HOXA10: variants seen among roughly 807,000 people sequenced by gnomAD.
HOXA10 encodes homeobox protein Hox-A10.
A neutral mutation model predicts 29.7 loss-of-function variants in HOXA10; 12 were observed. The observed-to-expected ratio is 0.40, with a 90% CI of 0.26 to 0.65. The LOEUF (loss-of-function observed/expected upper bound fraction) is 0.65. Ranked by LOEUF, HOXA10 falls within the 30% of genes least tolerant of loss-of-function variation. The probability of loss-of-function intolerance (pLI) is 0.37; values close to 1 mark genes in which losing one functional copy is unlikely to be tolerated. For synonymous variants in HOXA10, 327 were observed against 280.7 expected, an observed-to-expected ratio of 1.16 and a Z score of -1.65; for missense variants, 656 against 585.9, an observed-to-expected ratio of 1.12 and a Z score of -1.24.
In HOXA10 at chr7:27,172,153, C is replaced by A. The variant is rs199748274; in HGVS notation, c.979G>T (p.Ala327Ser). 55 of 1,613,594 alleles carry A rather than the reference C, an allele frequency of 3.4e-5. No homozygotes were observed. The highest frequency in any genetic ancestry group is 4.2e-5 in the Non-Finnish European group (50 of 1,179,966). The change falls in exon 2 of 2, where the codon GCA (alanine) becomes TCA (serine). Residue 327 changes from alanine to serine, a missense_variant. Around this residue, in one of 2 missense-constraint regions of HOXA10, gnomAD observed 594 missense variants for 491.9 expected, o/e 1.21. Transcript: ENST00000283921. ...DSLGNSKGEN[A>S]ANWLTAKSGR... ...CTCTTTGCCGTGAGCCAGTTGGCTG[C>A]GTTTTCACCTTTGGAATTGCCTGGC...
chr7:27,175,575 G>A (rs952653483), upstream of HOXA10, among the ~76,000 whole-genome samples: 11 of 152,214 alleles, frequency 7.2e-5, no homozygotes, highest in African/African-American at 2.7e-4. Context: ...CAGGGGCTCT[G>A]TTTTAGCCAA....
In HOXA10 at chr7:27,173,504, C is replaced by T; in HGVS notation, c.803G>A (p.Arg268Gln). ...GGGGGGCGGCGGCGAATCGAGGGCTCGCTCCTTCCGGGCCGCATCGGCCGA... is the reference window on the plus strand; with the variant it reads ...GGGGGGCGGCGGCGAATCGAGGGCTTGCTCCTTCCGGGCCGCATCGGCCGA... ...SGSADAARKE[R>Q]ALDSPPPPTL... The change falls in exon 1 of 2, where the codon CGA (arginine) becomes CAA (glutamine). Residue 268 changes from arginine (R) to glutamine (Q), a missense_variant. Transcript: ENST00000283921. The T allele has an allele frequency of 2.0e-6, 3 of 1,504,730 alleles. No individual in the cohort carries two copies. Among genetic ancestry groups the T allele is most frequent in the Non-Finnish European group, 2.6e-6 (3 of 1,133,428 alleles). 93.2% of individuals were successfully genotyped at this position (1,504,730 alleles called of 1,614,324 possible).
rs373421816 is a variant in HOXA10, at chr7:27,174,291, C to G, written c.16G>C (p.Gly6Arg). 1 of 1,598,502 alleles carries G rather than the reference C, an allele frequency of 6.3e-7. No homozygotes were observed. Among genetic ancestry groups the G allele is most frequent in the South Asian group, 1.1e-5 (1 of 91,074 alleles). Residue 6 changes from glycine to arginine, a missense_variant, in exon 1 of 2, where the codon GGC becomes CGC. This residue lies in a region of HOXA10 where 594 missense variants were observed against 491.9 expected (regional missense o/e 1.21). Coordinates refer to ENST00000283921, the MANE Select transcript of HOXA10 (RefSeq NM_018951.4). MSARK[G>R]YLLPSPNYPT... The stretch of plus-strand genomic sequence containing the variant: ...TAATTTGGCGAAGGGAGCAGATAGC[C>G]CTTTCTGGCTGACATTTCTTGTGCA...
upstream of HOXA10, chr7:27,174,554 G>A (rs576428303): frequency 7.0e-5 from 42 of 602,622 alleles, no homozygotes; most frequent in Admixed American, 2.3e-4. Flanking sequence ...GCCCCAACGT[G>A]GCTGGTGGGG....
upstream of HOXA10, among the ~76,000 whole-genome samples, chr7:27,177,654 G>A (rs865957590): frequency 2.6e-5 from 4 of 152,192 alleles, no homozygotes; most frequent in East Asian, 1.9e-4. Context: ...TGAGCGCCTC[G>A]GCTTTCCTGA....
In HOXA10 at chr7:27,174,110, G is replaced by C. The variant is rs781368034; in HGVS notation, c.197C>G (p.Pro66Arg). The C allele has an allele frequency of 2.2e-5, 35 of 1,578,502 alleles. No homozygotes were observed. The highest frequency in any genetic ancestry group is 1.3e-4 in the African/African-American group (10 of 74,456). The change falls in exon 1 of 2, where the codon CCG becomes CGG. Residue 66 changes from proline (P) to arginine (R), a missense_variant. Pro to Arg is a moderately radical substitution (Grantham distance 103). Around this residue, in one of 2 missense-constraint regions of HOXA10, gnomAD observed 594 missense variants for 491.9 expected, o/e 1.21. Transcript: ENST00000283921. Reference sequence around the variant, plus strand: ...CCCGTAGGGCAGGTCGGCGGCGGGCGGCAGGTAGACCCCGCCGTGGGCGTA... The same window carrying C: ...CCCGTAGGGCAGGTCGGCGGCGGGCCGCAGGTAGACCCCGCCGTGGGCGTA... Reference protein sequence around the residue: ...GYYAHGGVYLPPAADLPYGLQ... With the variant: ...GYYAHGGVYLRPAADLPYGLQ...
At chr7:27,175,451 G>T (rs1306403176), upstream of HOXA10, among the ~76,000 whole-genome samples, 5 of 152,166 alleles carry the variant, frequency 3.3e-5, no homozygotes, top group Non-Finnish European at 2.9e-5. Flanking sequence ...TGCTCCTGCA[G>T]TGTGTGCATT....
rs1783570300 is a variant in HOXA10 at position 27,173,587 on chromosome 7, C to A, written c.720G>T (p.Pro240=). ...GGGAQQLGAG[P]FPAQPPGRGF... ...CGCGCCCCGGGGGCTGCGCGGGGAACGGGCCAGCCCCGAGTTGCTGCGCGC... is the reference window on the plus strand; with the variant it reads ...CGCGCCCCGGGGGCTGCGCGGGGAAAGGGCCAGCCCCGAGTTGCTGCGCGC... The change falls in exon 1 of 2, where the codon CCG becomes CCT. Residue 240 remains proline, a synonymous_variant. Coordinates refer to ENST00000283921, the MANE Select transcript of HOXA10 (RefSeq NM_018951.4). 6.7e-7 allele frequency: 1 copy of A among 1,489,896 alleles called. No homozygotes were observed. Among genetic ancestry groups the A allele is most frequent in the South Asian group, 1.3e-5 (1 of 77,144 alleles). 92.3% of individuals were successfully genotyped at this position (1,489,896 alleles called of 1,614,324 possible).
At position 27,171,509 on chromosome 7, in the gene HOXA10, G is replaced by C; in HGVS notation, c.*390C>G. ...GCCAGACACCTCAGCGCCAACAATG[G>C]GACCTCGGCCTTCCGGCTAGGTTTG... On this transcript the variant is annotated 3_prime_UTR_variant, in exon 2 of 2. Coordinates refer to ENST00000283921, the MANE Select transcript of HOXA10 (RefSeq NM_018951.4). The C allele has an allele frequency of 6.4e-6, 3 of 465,582 alleles. No homozygotes were observed. Among genetic ancestry groups the C allele is most frequent in the South Asian group, 4.6e-5 (3 of 64,552 alleles). The allele number at this position is 465,582 out of a possible 1,614,324, so 28.8% of individuals were successfully genotyped here.
chr7:27,179,727 T>C (rs945660658), exon 1 of HOXA10: 1 of 750,562 alleles, frequency 1.3e-6, no homozygotes, highest in Non-Finnish European at 2.5e-6. Flanking sequence ...CGAATGCGCG[T>C]TGCTTTAAAT....
chr7:27,178,466 G>C (rs1783692515), upstream of HOXA10, among the ~76,000 whole-genome samples: 2 of 152,228 alleles, frequency 1.3e-5, no homozygotes, highest in Non-Finnish European at 2.9e-5. Flanking sequence ...TCCCCTGTTA[G>C]GGAAGTGTTG....
At position 27,174,041 on chromosome 7, in the gene HOXA10, T is replaced by C. The variant is rs1324709836; in HGVS notation, c.266A>G (p.Asn89Ser). ...ACCGCTGCCCGGCGACGCTGCCTCA[T>C]TGCGCTTGCCGCCCAGCGTGGGGAA... Reference protein sequence around the residue: ...GLFPTLGGKRNEAASPGSGGG... With the variant: ...GLFPTLGGKRSEAASPGSGGG... The change falls in exon 1 of 2, where the codon AAT (asparagine) becomes AGT (serine). Residue 89 changes from asparagine to serine, a missense_variant. By Grantham distance (46) the Asn-to-Ser change is conservative (BLOSUM62 1). Around this residue, in one of 2 missense-constraint regions of HOXA10, gnomAD observed 594 missense variants for 491.9 expected, o/e 1.21. Transcript: ENST00000283921. 1.3e-6 allele frequency: 2 copies of C among 1,539,308 alleles called. No individual in the cohort carries two copies. The highest frequency in any genetic ancestry group is 1.7e-6 in the Non-Finnish European group (2 of 1,149,130).
Position 27,173,994 on chromosome 7 carries a change from G to C in HOXA10, c.313C>G (p.Pro105Ala), listed in dbSNP as rs1278173532. The C allele has an allele frequency of 6.5e-7, 1 of 1,528,690 alleles. No individual in the cohort carries two copies. Among genetic ancestry groups the C allele is most frequent in the Non-Finnish European group, 8.7e-7 (1 of 1,143,466 alleles). The allele number at this position is 1,528,690 out of a possible 1,614,324, so 94.7% of individuals were successfully genotyped here. The stretch of plus-strand genomic sequence containing the variant: ...GAGGGCCCGTAGCCGTGCGCCCCGG[G>C]ACCTAGACCCCCGCCACCGCCACCG... ...GSGGGGGGLG[P>A]GAHGYGPSPI... Residue 105 changes from proline (P) to alanine (A), a missense_variant, in exon 1 of 2, where the codon CCC becomes GCC. Around this residue, in one of 2 missense-constraint regions of HOXA10, gnomAD observed 594 missense variants for 491.9 expected, o/e 1.21. Coordinates refer to ENST00000283921, the MANE Select transcript of HOXA10 (RefSeq NM_018951.4).
rs755422334 is a variant in HOXA10 at position 27,174,237 on chromosome 7, G to A, written c.70C>T (p.Pro24Ser). 1 of 1,600,128 alleles carries A rather than the reference G, an allele frequency of 6.2e-7. No homozygotes were observed. The highest frequency in any genetic ancestry group is 1.1e-5 in the South Asian group (1 of 91,078). Residue 24 changes from proline (P) to serine (S), a missense_variant, in exon 1 of 2, where the codon CCC (proline) becomes TCC (serine). Pro to Ser is a moderately conservative substitution (Grantham distance 74). Around this residue, in one of 2 missense-constraint regions of HOXA10, gnomAD observed 594 missense variants for 491.9 expected, o/e 1.21. Transcript: ENST00000283921. ...TCGACCAAAAAAGAGTTCGCGGCGGGGCTCTCCGAGCATGACATTGTTGTG... is the reference window on the plus strand; with the variant it reads ...TCGACCAAAAAAGAGTTCGCGGCGGAGCTCTCCGAGCATGACATTGTTGTG... ...YPTTMSCSES[P>S]AANSFLVDSL... is the part of the protein sequence containing the mutation.
intron 1 of HOXA10, chr7:27,172,664 AG>A (rs1419393268): frequency 5.4e-6 from 1 of 184,034 alleles, no homozygotes; most frequent in Non-Finnish European, 1.1e-5. Context: ...CCAATGGGGA[AG>A]GCAGGAAAAA....
upstream of HOXA10, among the ~76,000 whole-genome samples, chr7:27,177,022 C>T (rs533433796): frequency 2.0e-5 from 3 of 152,370 alleles, no homozygotes; most frequent in East Asian, 5.8e-4. Context: ...AAGCTGGGTG[C>T]CCTGCAGCAG....
upstream of HOXA10, among the ~76,000 whole-genome samples, chr7:27,177,410 C>T (rs964587316): frequency 6.6e-6 from 1 of 152,226 alleles, no homozygotes; most frequent in Non-Finnish European, 1.5e-5. Flanking sequence ...CCAGGGCTTG[C>T]TGAGTGGGAA....
At position 27,173,900 on chromosome 7, in the gene HOXA10, G is replaced by A. The variant is rs763223250; in HGVS notation, c.407C>T (p.Pro136Leu). The change falls in exon 1 of 2, where the codon CCG becomes CTG. Residue 136 changes from proline to leucine, a missense_variant. This residue lies in a region of HOXA10 where 594 missense variants were observed against 491.9 expected (regional missense o/e 1.21). Coordinates refer to ENST00000283921, the MANE Select transcript of HOXA10 (RefSeq NM_018951.4). Reference sequence around the variant, plus strand: ...CGGGGGCGGCGGCTGCTGCTGGGGCGGCGGCGGCGGCCCGTCAGGCGGCTC... The same window carrying A: ...CGGGGGCGGCGGCTGCTGCTGGGGCAGCGGCGGCGGCCCGTCAGGCGGCTC... ...RMEPPDGPPP[P>L]PQQQPPPPPQ... is the part of the protein sequence containing the mutation. 1 of 1,530,422 alleles carries A rather than the reference G, an allele frequency of 6.5e-7. No individual in the cohort carries two copies. Among genetic ancestry groups the A allele is most frequent in the Non-Finnish European group, 8.8e-7 (1 of 1,140,132 alleles). 94.8% of individuals were successfully genotyped at this position (1,530,422 alleles called of 1,614,324 possible). A position where few individuals can be genotyped will look rare whatever the true frequency, so the allele number is the denominator to read the frequency against.
Position 27,173,861 on chromosome 7 carries a change from T to A in HOXA10, c.446A>T (p.Gln149Leu). 6.2e-7 allele frequency: 1 copy of A among 1,600,476 alleles called. No individual in the cohort carries two copies. The highest frequency in any genetic ancestry group is 8.5e-7 in the Non-Finnish European group (1 of 1,174,628). Residue 149 changes from glutamine to leucine, a missense_variant, in exon 1 of 2, where the codon CAG (glutamine) becomes CTG (leucine). Physicochemically the swap from Gln to Leu is moderately radical, Grantham distance 113. This residue lies in a region of HOXA10 where 594 missense variants were observed against 491.9 expected (regional missense o/e 1.21). Transcript: ENST00000283921. Reference protein sequence around the residue: ...QQPPPPPQPPQPAPQATSCSF... With the variant: ...QQPPPPPQPPLPAPQATSCSF... Reference sequence around the variant, plus strand: ...GCACGAGGTGGCCTGCGGCGCTGGCTGGGGTGGTTGCGGCGGGGGCGGCGG... The same window carrying A: ...GCACGAGGTGGCCTGCGGCGCTGGCAGGGGTGGTTGCGGCGGGGGCGGCGG...
Sources: allele counts gnomAD v4.1 joint callset (sites outside exome capture counted in the v4.1 genomes callset), GRCh38; gene constraint gnomAD v4.1.1; regional missense constraint gnomAD v4.1.1; transcripts MANE v1.5; gene names NCBI Gene and HGNC (gene_info 2026-07-23, HGNC 2026-07-21).